The following TOGARAM2 variants were observed in gnomAD, a reference collection of about 807,000 sequenced individuals.
TOGARAM2 encodes TOG array regulator of axonemal microtubules protein 2.
Under a neutral mutation model 93.3 loss-of-function variants are expected in TOGARAM2, and 85 were observed. That is an observed-to-expected ratio of 0.91 (90% CI 0.76 to 1.09). The LOEUF (loss-of-function observed/expected upper bound fraction) is 1.09, where lower values mean the gene tolerates loss of function less well. Ranked by LOEUF, TOGARAM2 falls within the 50% of genes least tolerant of loss-of-function variation. TOGARAM2 has a pLI of 0.00. For synonymous variants in TOGARAM2, 593 were observed against 552.8 expected, an observed-to-expected ratio of 1.07 and a Z score of -1.02; for missense variants, 1,277 against 1,334.5, an observed-to-expected ratio of 0.96 and a Z score of 0.67.
chr2:29,045,437 C>A, intron 19 of TOGARAM2, 27 bp downstream of exon 19: 2 of 1,589,562 alleles, frequency 1.3e-6, no homozygotes, highest in South Asian at 1.1e-5. Context: ...CCACCCCACC[C>A]CATCTCCTGG....
At chr2:28,984,763 A>G (rs1305647571) in intron 1 of TOGARAM2, among the ~76,000 whole-genome samples, 1 of 152,182 alleles carries the variant, frequency 6.6e-6, no homozygotes, top group African/African-American at 2.4e-5. Context: ...GCCCCAGCCA[A>G]TGGCTGTGTG....
Position 29,002,630 on chromosome 2 carries a change from G to A in TOGARAM2, c.522G>A (p.Pro174=), listed in dbSNP as rs781377956. The A allele has an allele frequency of 5.6e-6, 9 of 1,613,792 alleles. No individual in the cohort carries two copies. Among genetic ancestry groups the A allele is most frequent in the South Asian group, 2.2e-5 (2 of 91,062 alleles). ...AGAGGCTGCTGAGGGTGCCCAGGCC[G>A]ATGCCTCTCATCCAGAGCATCCCTA... ...TSQRLLRVPR[P]MPLIQSIPTT... Residue 174 remains proline (P), a synonymous_variant, in exon 5 of 20, where the codon CCG becomes CCA. Transcript: ENST00000379558.
chr2:29,006,552 C>T (rs1663888760), intron 6 of TOGARAM2, among the ~76,000 whole-genome samples: 1 of 152,072 alleles, frequency 6.6e-6, no homozygotes, highest in African/African-American at 2.4e-5. Context: ...AGTCACAATC[C>T]AGTTCCTGCT....
chr2:28,970,796 T>G (rs1027699877), intron 1 of TOGARAM2: 3 of 152,218 alleles, frequency 2.0e-5, no homozygotes, highest in African/African-American at 7.2e-5. Flanking sequence ...AGTGCACTCT[T>G]TCTATTCATT....
intron 2 of TOGARAM2, 48 bp downstream of exon 2, chr2:28,994,910 G>C: frequency 6.5e-7 from 1 of 1,549,092 alleles, no homozygotes; most frequent in Non-Finnish European, 8.7e-7. Flanking sequence ...CCAGGCTAGG[G>C]GACCTGCCTC....
intron 10 of TOGARAM2, among the ~76,000 whole-genome samples, chr2:29,019,924 G>C (rs1414677424): frequency 1.3e-5 from 2 of 152,182 alleles, no homozygotes; most frequent in Non-Finnish European, 2.9e-5. Flanking sequence ...TAAGAGCTAG[G>C]AGTCACAAAG....
intron 6 of TOGARAM2, 130 bp downstream of exon 6, chr2:29,003,812 TG>T: frequency 1.1e-6 from 1 of 906,038 alleles, no homozygotes. Context: ...GGGAAAGGGC[TG>T]GGGGCTCCAC....
intron 14 of TOGARAM2, 38 bp downstream of exon 14, chr2:29,027,049 A>G (rs1558451050): frequency 6.6e-7 from 1 of 1,517,754 alleles, no homozygotes. Flanking sequence ...AGAGAAGGCA[A>G]CCAACCAGCC....
At chr2:29,029,797 G>A (rs1665652429) in intron 14 of TOGARAM2, among the ~76,000 whole-genome samples, 1 of 151,714 alleles carries the variant, frequency 6.6e-6, no homozygotes, top group African/African-American at 2.4e-5. Flanking sequence ...AGGGACTCAG[G>A]AGGAACTAGT....
In TOGARAM2 at chr2:29,026,889, G is replaced by T; in HGVS notation, c.1890G>T (p.Glu630Asp). 1 of 1,592,208 alleles carries T rather than the reference G, an allele frequency of 6.3e-7. No homozygotes were observed. Among genetic ancestry groups the T allele is most frequent in the Non-Finnish European group, 8.6e-7 (1 of 1,169,408 alleles). Residue 630 changes from glutamate (E) to aspartate (D), a missense_variant, in exon 14 of 20, where the codon GAG becomes GAT. By Grantham distance (45) the Glu-to-Asp change is conservative (BLOSUM62 2). Coordinates refer to ENST00000379558, the MANE Select transcript of TOGARAM2 (RefSeq NM_199280.4). ...RNPLIRKYAA[E>D]HLSAVLEQIG... ...CCTTGATCCGGAAATACGCGGCTGA[G>T]CACCTCTCAGCTGTGCTGGAGCAGA...
At chr2:29,018,083 A>C in intron 10 of TOGARAM2, 127 bp downstream of exon 10, 1 of 1,097,744 alleles carries the variant, frequency 9.1e-7, no homozygotes, top group Non-Finnish European at 1.3e-6. Flanking sequence ...ACCAGGAGGC[A>C]GCCTGGGGTG....
chr2:29,036,994 T>C (rs1666153311), intron 18 of TOGARAM2, among the ~76,000 whole-genome samples: 1 of 152,084 alleles, frequency 6.6e-6, no homozygotes, highest in African/African-American at 2.4e-5. Flanking sequence ...GATGATCCAG[T>C]CCAGCCTCCT....
chr2:28,984,389 C>T (rs1024795783), intron 1 of TOGARAM2, among the ~76,000 whole-genome samples: 2 of 152,178 alleles, frequency 1.3e-5, no homozygotes, highest in African/African-American at 4.8e-5. Flanking sequence ...GGGCCGGGGT[C>T]TGAAGTCTTC....
intron 1 of TOGARAM2, among the ~76,000 whole-genome samples, chr2:28,967,914 G>A (rs901916824): frequency 2.0e-5 from 3 of 150,170 alleles, no homozygotes; most frequent in East Asian, 4.0e-4. Flanking sequence ...CCCCTCCTGG[G>A]TTCAAGCGAT....
chr2:28,990,073 C>T (rs1336084169), intron 1 of TOGARAM2, among the ~76,000 whole-genome samples: 4 of 152,082 alleles, frequency 2.6e-5, no homozygotes, highest in African/African-American at 7.2e-5. Flanking sequence ...ATGAGGGGAG[C>T]AGAGGTGGGT....
At position 29,035,544 on chromosome 2, in the gene TOGARAM2, A is replaced by G; in HGVS notation, c.2306A>G (p.Glu769Gly). 1.3e-6 allele frequency: 2 copies of G among 1,580,588 alleles called. No homozygotes were observed. The highest frequency in any genetic ancestry group is 1.7e-6 in the Non-Finnish European group (2 of 1,163,186). Residue 769 changes from glutamate (E) to glycine (G), a missense_variant, in exon 17 of 20, where the codon GAG becomes GGG. Coordinates refer to ENST00000379558, the MANE Select transcript of TOGARAM2 (RefSeq NM_199280.4). ...GGGGAGATGGTGGAGCAGCTACGGGAGCTGACACGGCTGCTGGAGGCCAAG... is the reference window on the plus strand; with the variant it reads ...GGGGAGATGGTGGAGCAGCTACGGGGGCTGACACGGCTGCTGGAGGCCAAG... Reference protein sequence around the residue: ...GRGEMVEQLRELTRLLEAKDF... With the variant: ...GRGEMVEQLRGLTRLLEAKDF...
Position 29,017,865 on chromosome 2 carries a change from C to A in TOGARAM2, c.1269C>A (p.Val423=). The A allele has an allele frequency of 6.2e-7, 1 of 1,613,574 alleles. No homozygotes were observed. Among genetic ancestry groups the A allele is most frequent in the Non-Finnish European group, 8.5e-7 (1 of 1,179,768 alleles). The change falls in exon 10 of 20, where the codon GTC becomes GTA. Residue 423 remains valine (V), a synonymous_variant. Coordinates refer to ENST00000379558, the MANE Select transcript of TOGARAM2 (RefSeq NM_199280.4). Reference sequence around the variant, plus strand: ...TGAGCGGCCCATGCAGAAACGACGTCAGCATCATCCTGAGGAAGTGGGCCA... The same window carrying A: ...TGAGCGGCCCATGCAGAAACGACGTAAGCATCATCCTGAGGAAGTGGGCCA... ...TRLSGPCRND[V]SIILRKWASR...
At chr2:29,011,283 GT>G (rs945980817) in intron 6 of TOGARAM2, among the ~76,000 whole-genome samples, 171 bp from the exon 7 acceptor site, 4 of 152,218 alleles carry the variant, frequency 2.6e-5, no homozygotes, top group Non-Finnish European at 4.4e-5. Context: ...AGAGGGAGCT[GT>G]ATCTCCTGCA....
Position 29,026,866 on chromosome 2 carries a change from T to C in TOGARAM2, c.1867T>C (p.Leu623=). The C allele has an allele frequency of 6.3e-7, 1 of 1,592,340 alleles. No homozygotes were observed. The highest frequency in any genetic ancestry group is 1.1e-5 in the South Asian group (1 of 86,958). The stretch of plus-strand genomic sequence containing the variant: ...ATTTCCTTTCAGCCACCGGAACCCC[T>C]TGATCCGGAAATACGCGGCTGAGCA... ...TSAGVYHRNP[L]IRKYAAEHLS... Residue 623 remains leucine (L), a synonymous_variant, in exon 14 of 20, where the codon TTG becomes CTG. Transcript: ENST00000379558.
Sources: gnomAD v4.1 joint callset for allele counts (sites outside exome capture counted in the v4.1 genomes callset) on GRCh38, gnomAD v4.1.1 for gene constraint, MANE v1.5 for transcripts, NCBI Gene and HGNC (gene_info 2026-07-23, HGNC 2026-07-21) for gene names.